The following IGF2BP3 variants were observed in gnomAD, a reference collection of about 807,000 sequenced individuals.
The protein encoded by IGF2BP3 is insulin-like growth factor 2 mRNA-binding protein 3.
IGF2BP3 carries 9 observed loss-of-function variants against 73.8 expected under a neutral mutation model. That is an observed-to-expected ratio of 0.12 (90% CI 0.07 to 0.21). IGF2BP3 has a LOEUF of 0.21. Among genes scored for constraint, IGF2BP3 ranks in the 10% least tolerant of loss-of-function variants. IGF2BP3 has a pLI of 1.00. For missense variants in IGF2BP3, 542 were observed against 714.0 expected, an observed-to-expected ratio of 0.76 and a Z score of 2.75; for synonymous variants, 258 against 256.7, an observed-to-expected ratio of 1.01 and a Z score of -0.05.
rs141785183 is a variant in IGF2BP3 at position 23,383,749 on chromosome 7, C to T, written c.286-22008G>A. On this transcript the variant is annotated intron_variant, in intron 3 of 14. Transcript: ENST00000258729. ...ACCAAAATGTCCATGGACTGACGAA[C>T]GGATAAACAACGTGGTATATTTATG... 2.0e-3 allele frequency among the ~76,000 whole-genome samples: 299 copies of T among 152,176 alleles called. 2 individuals carry two copies. The highest frequency in any genetic ancestry group is 6.4e-3 in the African/African-American group (267 of 41,534).
chr7:23,367,804 C>G (rs906231399), intron 3 of IGF2BP3, among the ~76,000 whole-genome samples: 3 of 152,026 alleles, frequency 2.0e-5, no homozygotes, highest in Non-Finnish European at 4.4e-5. Flanking sequence ...AGTTTGAGAC[C>G]AGCCGGGCCA....
chr7:23,347,637 G>C lies in IGF2BP3; in HGVS notation c.781C>G (p.Leu261Val). The change falls in exon 7 of 15, where the codon CTG (leucine) becomes GTG (valine). Residue 261 changes from leucine to valine, a missense_variant. Transcript: ENST00000258729. ...TGAGCTTCCTTATGCATAATCTCCA[G>C]AATAGACTTACAAGCCGCAGAGGTG... ...EGTSAACKSILEIMHKEAQDI... is the reference protein window; with the variant it reads ...EGTSAACKSIVEIMHKEAQDI... 6.2e-7 allele frequency: 1 copy of C among 1,613,992 alleles called. No individual in the cohort carries two copies. The highest frequency in any genetic ancestry group is 8.5e-7 in the Non-Finnish European group (1 of 1,179,992).
rs183430303 is a variant in IGF2BP3, at chr7:23,391,152, T to G, written c.285+27624A>C. Among the ~76,000 whole-genome samples, 14 of 143,236 alleles carry G rather than the reference T, an allele frequency of 9.8e-5. No individual in the cohort carries two copies. In the East Asian group the frequency reaches 2.9e-3, roughly 30 times the overall value. 94.0% of individuals were successfully genotyped at this position (143,236 alleles called of 152,430 possible). A position where few individuals can be genotyped will look rare whatever the true frequency, so the allele number is the denominator to read the frequency against. On this transcript the variant is annotated intron_variant, in intron 3 of 14. Coordinates refer to ENST00000258729, the MANE Select transcript of IGF2BP3 (RefSeq NM_006547.3). ...TCTTACTCTGTCACCCAGGCTAGAG[T>G]GCAGTGGCACGATCTTGGCTCACTG...
At chr7:23,448,273 G>A (rs374783603) in intron 2 of IGF2BP3, among the ~76,000 whole-genome samples, 4 of 152,212 alleles carry the variant, frequency 2.6e-5, no homozygotes, top group Non-Finnish European at 5.9e-5. Flanking sequence ...GCACGACCTG[G>A]TATCAACATG....
intron 3 of IGF2BP3, chr7:23,365,554 T>C (rs1785348270): frequency 6.6e-6 from 1 of 152,192 alleles, no homozygotes; most frequent in Non-Finnish European, 1.5e-5. Flanking sequence ...GTAAATTTTT[T>C]AACTTAAAAA....
intron 3 of IGF2BP3, among the ~76,000 whole-genome samples, chr7:23,404,361 C>T (rs1335711276): frequency 6.6e-6 from 1 of 151,990 alleles, no homozygotes; most frequent in African/African-American, 2.4e-5. Context: ...TTACCATTAG[C>T]CAGAGTAAGC....
At chr7:23,324,500 G>A (rs1784239739) in intron 10 of IGF2BP3, among the ~76,000 whole-genome samples, 1 of 118,658 alleles carries the variant, frequency 8.4e-6, no homozygotes, top group Non-Finnish European at 1.7e-5. Context: ...GTACAAGGAG[G>A]AACTGGTACC....
intron 3 of IGF2BP3, among the ~76,000 whole-genome samples, chr7:23,363,309 C>T (rs1028827661): frequency 2.6e-5 from 4 of 152,120 alleles, no homozygotes; most frequent in East Asian, 1.9e-4. Flanking sequence ...TGCAGTGGCA[C>T]GACCATAGAT....
Position 23,375,337 on chromosome 7 carries a change from T to C in IGF2BP3, c.286-13596A>G, listed in dbSNP as rs183559537. Among the ~76,000 whole-genome samples, 55 of 152,238 alleles carry C rather than the reference T, an allele frequency of 3.6e-4. 1 individual carries two copies. In the East Asian group the frequency reaches 6.0e-3, roughly 17 times the overall value. ...ATTCAATAGGTGGGAGTCCCAGCTA[T>C]TGATCTGCTATCTTTCTTTCATTCC... On this transcript the variant is annotated intron_variant, in intron 3 of 14. Transcript: ENST00000258729.
At chr7:23,449,409 C>T (rs902107186) in intron 2 of IGF2BP3, among the ~76,000 whole-genome samples, 3 of 151,676 alleles carry the variant, frequency 2.0e-5, no homozygotes, top group African/African-American at 4.8e-5. Flanking sequence ...TCCAGCTACT[C>T]GGAAGGCTGA....
chr7:23,458,760 C>T (rs183004759), intron 2 of IGF2BP3, among the ~76,000 whole-genome samples: 2 of 152,240 alleles, frequency 1.3e-5, no homozygotes, highest in African/African-American at 2.4e-5. Context: ...GGGGCACAGA[C>T]TACCTGTATA....
At chr7:23,437,517 T>C (rs898720026) in intron 2 of IGF2BP3, among the ~76,000 whole-genome samples, 1 of 128,480 alleles carries the variant, frequency 7.8e-6, no homozygotes, top group Non-Finnish European at 1.7e-5. Context: ...AATAAATAAA[T>C]AAATAAAACA....
chr7:23,351,199 C>T (rs1735795106), intron 6 of IGF2BP3, 106 bp downstream of exon 6: 2 of 1,222,746 alleles, frequency 1.6e-6, no homozygotes, highest in Non-Finnish European at 1.2e-6. Flanking sequence ...TACAAGGAGT[C>T]CTCATGGCTG....
At chr7:23,400,444 C>T (rs111340626) in intron 3 of IGF2BP3, among the ~76,000 whole-genome samples, 318 of 152,214 alleles carry the variant, frequency 2.1e-3, no homozygotes, top group African/African-American at 7.2e-3. Context: ...ATCAGAGGTT[C>T]TTCATATCTC....
At chr7:23,346,587 CCTTT>C (rs1006287013) in intron 7 of IGF2BP3, among the ~76,000 whole-genome samples, 9 of 149,570 alleles carry the variant, frequency 6.0e-5, no homozygotes, top group African/African-American at 2.3e-4. Context: ...GTGGGCTTTT[CCTTT>C]TTCTTTCTTT....
intron 3 of IGF2BP3, among the ~76,000 whole-genome samples, chr7:23,410,530 T>C (rs998668747): frequency 6.6e-6 from 1 of 152,142 alleles, no homozygotes; most frequent in African/African-American, 2.4e-5. Context: ...ATACCGGTTG[T>C]AGAGAACTCT....
intron 3 of IGF2BP3, among the ~76,000 whole-genome samples, chr7:23,398,302 C>T (rs897428649): frequency 3.3e-5 from 5 of 152,150 alleles, no homozygotes; most frequent in Admixed American, 2.6e-4. Flanking sequence ...TTTCTTAATC[C>T]AGTCTGTCAT....
chr7:23,314,264 C>T (rs1783915066), intron 12 of IGF2BP3, among the ~76,000 whole-genome samples: 1 of 151,640 alleles, frequency 6.6e-6, no homozygotes. Flanking sequence ...GTCACTGCAA[C>T]CCCCGCCTCC....
rs35841355 is a variant in IGF2BP3 at position 23,440,269 on chromosome 7, C to CAA, written c.237-21447_237-21446dup. 7.0e-3 allele frequency among the ~76,000 whole-genome samples: 756 copies of CAA among 107,604 alleles called. 9 individuals carry two copies. Among genetic ancestry groups the CAA allele is most frequent in the African/African-American group, 0.026 (711 of 27,816 alleles). The allele number at this position is 107,604 out of a possible 152,430, so 70.6% of individuals were successfully genotyped here. On this transcript the variant is annotated intron_variant, in intron 2 of 14. Coordinates refer to ENST00000258729, the MANE Select transcript of IGF2BP3 (RefSeq NM_006547.3). ...CAGAGCAGAAATTGTTTAGTTATTTCAAAAAAAAAAAAAAAAATTAGCTGG... is the reference window on the plus strand; with the variant it reads ...CAGAGCAGAAATTGTTTAGTTATTTCAAAAAAAAAAAAAAAAAAATTAGCTGG...
Sources: gnomAD v4.1 joint callset for allele counts (sites outside exome capture counted in the v4.1 genomes callset) on GRCh38, gnomAD v4.1.1 for gene constraint, MANE v1.5 for transcripts, NCBI Gene and HGNC (gene_info 2026-07-23, HGNC 2026-07-21) for gene names.